Variants in PTPRN2 observed in about 807,000 individuals in gnomAD.
PTPRN2 encodes the protein protein tyrosine phosphatase receptor type N2.
A neutral mutation model predicts 118.8 loss-of-function variants in PTPRN2; 74 were observed. The observed-to-expected ratio is 0.62, with a 90% CI of 0.52 to 0.76. The LOEUF (loss-of-function observed/expected upper bound fraction) is 0.76, where lower values mean the gene tolerates loss of function less well. Among genes scored for constraint, PTPRN2 ranks in the 30% least tolerant of loss-of-function variants. The pLI, the probability that PTPRN2 is intolerant of heterozygous loss-of-function variation, is 0.00. For missense variants in PTPRN2, 1,481 were observed against 1,394.4 expected (o/e 1.06, Z -0.99); for synonymous variants, 641 against 608.0 (o/e 1.05, Z -0.80).
chr7:158,188,206 CTCGCCGCCTGATGGGGAAGGCCG>C (rs1825364057), intron 5 of PTPRN2, among the ~76,000 whole-genome samples: 1 of 84,012 alleles, frequency 1.2e-5, no homozygotes, highest in Non-Finnish European at 2.7e-5. Flanking sequence ...GGCCGCCACG[CTCGCCGCCTGATGGGGAAGGCCG>C]CCACGCTTGC....
chr7:158,189,901 C>T (rs1478085902), intron 5 of PTPRN2, among the ~76,000 whole-genome samples: 1 of 152,148 alleles, frequency 6.6e-6, no homozygotes, highest in Admixed American at 6.5e-5. Context: ...TACCAACGTT[C>T]AAGAGGGTGG....
intron 11 of PTPRN2, among the ~76,000 whole-genome samples, chr7:158,056,123 C>G (rs1809769357): frequency 6.6e-6 from 1 of 152,224 alleles, no homozygotes; most frequent in Admixed American, 6.5e-5. Flanking sequence ...CCCACACACT[C>G]CCTCCACCTG....
At chr7:157,988,695 A>G (rs528723798) in intron 11 of PTPRN2, among the ~76,000 whole-genome samples, 24 of 152,080 alleles carry the variant, frequency 1.6e-4, no homozygotes, top group Non-Finnish European at 3.2e-4. Flanking sequence ...AATGCCCATG[A>G]CCCGGTCCAC....
At chr7:157,599,208 C>T (rs1426411140) in intron 16 of PTPRN2, among the ~76,000 whole-genome samples, 2 of 152,176 alleles carry the variant, frequency 1.3e-5, no homozygotes, top group Non-Finnish European at 2.9e-5. Flanking sequence ...TGGGGTTTCA[C>T]CATATTGGCC....
In PTPRN2 at chr7:158,071,432, C is replaced by CCTG. The variant is rs1563391263; in HGVS notation, c.1723+9865_1723+9866insCAG. On this transcript the variant is annotated intron_variant, in intron 11 of 22. Transcript: ENST00000389418. ...AGTTGCTCCTGGTGGTGGAGGTGCT[C>CCTG]GTGGTGGTGGAGGTGCTCGTGGTTG... 4.5e-4 allele frequency among the ~76,000 whole-genome samples: 18 copies of CCTG among 40,076 alleles called. 1 individual carries two copies. The highest frequency in any genetic ancestry group is 6.0e-4 in the Non-Finnish European group (14 of 23,438). 26.3% of individuals were successfully genotyped at this position (40,076 alleles called of 152,430 possible).
chr7:157,925,141 T>C (rs1798899970), intron 11 of PTPRN2, among the ~76,000 whole-genome samples: 1 of 139,224 alleles, frequency 7.2e-6, no homozygotes, highest in African/African-American at 2.8e-5. Context: ...TGCACCTGCA[T>C]TTAGCACGTC....
intron 12 of PTPRN2, among the ~76,000 whole-genome samples, chr7:157,879,403 G>A (rs1214788185): frequency 3.4e-5 from 5 of 148,588 alleles, no homozygotes; most frequent in Admixed American, 6.6e-5. Context: ...ACTCGTGCAC[G>A]CACACGTGCA....
At chr7:158,436,631 C>CT (rs1236439670) in intron 2 of PTPRN2, among the ~76,000 whole-genome samples, 1 of 152,190 alleles carries the variant, frequency 6.6e-6, no homozygotes, top group Non-Finnish European at 1.5e-5. Context: ...CAAGTTCTGT[C>CT]TGTCTGGTCA....
At chr7:158,305,061 CCT>C (rs1278210617) in intron 3 of PTPRN2, among the ~76,000 whole-genome samples, 2 of 152,168 alleles carry the variant, frequency 1.3e-5, no homozygotes, top group Non-Finnish European at 2.9e-5. Context: ...TGTCTTCACG[CCT>C]CTGTTCCAAT....
At chr7:158,000,626 C>T (rs1187939559) in intron 11 of PTPRN2, among the ~76,000 whole-genome samples, 23 of 58,340 alleles carry the variant, frequency 3.9e-4, no homozygotes, top group South Asian at 1.4e-3. Context: ...GGGCTGGGGT[C>T]GGGCCGCAGG....
chr7:158,079,405 A>G (rs779150247), intron 11 of PTPRN2, among the ~76,000 whole-genome samples: 45 of 152,210 alleles, frequency 3.0e-4, no homozygotes, highest in Non-Finnish European at 4.9e-4. Context: ...GATAAATAAC[A>G]TGAACACATT....
chr7:158,374,720 T>C (rs1810369640), intron 2 of PTPRN2, among the ~76,000 whole-genome samples: 1 of 152,000 alleles, frequency 6.6e-6, no homozygotes, highest in South Asian at 2.1e-4. Flanking sequence ...CCTGCGGAAA[T>C]CCAGAACAGC....
chr7:158,225,220 C>T (rs1828662829), intron 3 of PTPRN2, among the ~76,000 whole-genome samples: 2 of 151,692 alleles, frequency 1.3e-5, no homozygotes, highest in South Asian at 2.1e-4. Context: ...AAAATTGAAC[C>T]CCTGACCATT....
chr7:157,595,595 T>G (rs142839117), intron 16 of PTPRN2, among the ~76,000 whole-genome samples: 3,013 of 48,026 alleles, frequency 0.063, 96 homozygotes, highest in East Asian at 0.14. Flanking sequence ...AAGCCTGGTG[T>G]TTAGGAAGCC....
rs545562346 is a variant in PTPRN2, at chr7:158,047,181, C to A, written c.1723+34117G>T. Among the ~76,000 whole-genome samples, 331 of 152,360 alleles carry A rather than the reference C, an allele frequency of 2.2e-3. 3 individuals carry two copies. The highest frequency in any genetic ancestry group is 2.8e-3 in the Non-Finnish European group (190 of 68,040). On this transcript the variant is annotated intron_variant, in intron 11 of 22. Transcript: ENST00000389418. The stretch of plus-strand genomic sequence containing the variant: ...ACACTGCTACTTTCTGAGGAACACA[C>A]AGATGAATACAACAGTCCCCATGGG...
chr7:157,658,600 C>T (rs569227581), intron 13 of PTPRN2, among the ~76,000 whole-genome samples: 2 of 152,328 alleles, frequency 1.3e-5, no homozygotes, highest in Non-Finnish European at 2.9e-5. Flanking sequence ...CAGAACACGC[C>T]GGGACCCCGC....
chr7:157,553,308 GT>G (rs1798722057), intron 21 of PTPRN2, among the ~76,000 whole-genome samples: 1 of 152,208 alleles, frequency 6.6e-6, no homozygotes, highest in Non-Finnish European at 1.5e-5. Context: ...GATGGTGCTA[GT>G]GGGAATCCTG....
At chr7:158,282,159 G>A (rs1370308657) in intron 3 of PTPRN2, among the ~76,000 whole-genome samples, 1 of 147,420 alleles carries the variant, frequency 6.8e-6, no homozygotes, top group Non-Finnish European at 1.5e-5. Context: ...GAACCCAACT[G>A]TCTCAGGAGT....
chr7:158,053,305 G>A (rs182252823), intron 11 of PTPRN2, among the ~76,000 whole-genome samples: 3 of 152,278 alleles, frequency 2.0e-5, no homozygotes, highest in East Asian at 3.9e-4. Flanking sequence ...ATGAGCCATA[G>A]TGACTGAGGG....
Sources: gnomAD v4.1 joint callset for allele counts (sites outside exome capture counted in the v4.1 genomes callset) on GRCh38, gnomAD v4.1.1 for gene constraint, MANE v1.5 for transcripts, NCBI Gene and HGNC (gene_info 2026-07-23, HGNC 2026-07-21) for gene names.